STK32A: variants seen among roughly 807,000 people sequenced by gnomAD.
STK32A encodes serine/threonine kinase 32A.
In STK32A, 41 loss-of-function variants were observed where a neutral mutation model predicts 53.2. The ratio of observed to expected loss-of-function variants is 0.77; its 90% CI spans 0.60 to 1.00. The LOEUF (loss-of-function observed/expected upper bound fraction) is 1.00. Ranked by LOEUF, STK32A falls within the 50% of genes least tolerant of loss-of-function variation. STK32A has a pLI of 0.00. For synonymous variants in STK32A, 166 were observed against 162.8 expected, an observed-to-expected ratio of 1.02 and a Z score of -0.15; for missense variants, 458 against 485.8, an observed-to-expected ratio of 0.94 and a Z score of 0.54.
chr5:147,241,911 T>G (rs1753597069), intron 2 of STK32A, among the ~76,000 whole-genome samples: 2 of 152,192 alleles, frequency 1.3e-5, no homozygotes, highest in African/African-American at 4.8e-5. Context: ...GGTAGTAGAA[T>G]AGCATTATGA....
the STK32A span, among the ~76,000 whole-genome samples, chr5:147,394,686 A>C: frequency 6.2e-4 from 94 of 152,154 alleles, no homozygotes; most frequent in South Asian, 1.2e-3. Context: ...CAACAACAAA[A>C]AAAAAAAGGC....
At chr5:147,272,119 T>C (rs1375081929) in intron 2 of STK32A, among the ~76,000 whole-genome samples, 6 of 152,174 alleles carry the variant, frequency 3.9e-5, no homozygotes, top group African/African-American at 1.4e-4. Context: ...ATGCAGCTGA[T>C]GCTTGGGGAA....
intron 4 of STK32A, among the ~76,000 whole-genome samples, chr5:147,304,972 T>C (rs1187845019): frequency 1.3e-5 from 2 of 151,920 alleles, no homozygotes; most frequent in Non-Finnish European, 2.9e-5. Flanking sequence ...AATAATTAGC[T>C]GAGTAATCTC....
At chr5:147,317,639 T>C (rs910482290) in intron 4 of STK32A, among the ~76,000 whole-genome samples, 1 of 152,092 alleles carries the variant, frequency 6.6e-6, no homozygotes, top group Admixed American at 6.6e-5. Context: ...CTTGGTTTTT[T>C]TCAACAAAAA....
chr5:147,367,301 A>T (rs935685314), intron 8 of STK32A, among the ~76,000 whole-genome samples: 5 of 152,138 alleles, frequency 3.3e-5, no homozygotes, highest in African/African-American at 1.2e-4. Context: ...CCTGGGCTCA[A>T]GCAATCCACC....
At chr5:147,270,161 C>G (rs558559116) in intron 2 of STK32A, among the ~76,000 whole-genome samples, 15 of 152,158 alleles carry the variant, frequency 9.9e-5, no homozygotes, top group African/African-American at 3.4e-4. Flanking sequence ...CCCAGAAGGA[C>G]AAACAAGAAA....
At chr5:147,362,622 T>G (rs922926629) in intron 8 of STK32A, among the ~76,000 whole-genome samples, 1 of 152,224 alleles carries the variant, frequency 6.6e-6, no homozygotes, top group African/African-American at 2.4e-5. Flanking sequence ...CCTTCTCATA[T>G]GCAAAATACA....
intron 2 of STK32A, among the ~76,000 whole-genome samples, chr5:147,274,514 GC>G (rs1431670694): frequency 6.6e-6 from 1 of 152,160 alleles, no homozygotes; most frequent in African/African-American, 2.4e-5. Context: ...AGAAAACAAT[GC>G]AAGGACACCA....
downstream of STK32A, among the ~76,000 whole-genome samples, chr5:147,390,492 A>C (rs926804457): frequency 5.9e-4 from 89 of 151,850 alleles, 1 homozygote; most frequent in Non-Finnish European, 9.7e-4. Context: ...AAAAAAAAAA[A>C]AACCCAAAAC....
chr5:147,345,561 A>C (rs1338386663), intron 6 of STK32A, among the ~76,000 whole-genome samples: 1 of 152,200 alleles, frequency 6.6e-6, no homozygotes, highest in Non-Finnish European at 1.5e-5. Context: ...GATATACCAA[A>C]TATTCTGCTT....
chr5:147,236,879 A>G (rs924899147), intron 1 of STK32A, among the ~76,000 whole-genome samples: 2 of 152,188 alleles, frequency 1.3e-5, no homozygotes, highest in African/African-American at 4.8e-5. Context: ...GCTACTTGAG[A>G]AAAACCTGAG....
intron 4 of STK32A, among the ~76,000 whole-genome samples, chr5:147,315,598 T>C (rs1753954981): frequency 6.6e-6 from 1 of 152,190 alleles, no homozygotes; most frequent in Non-Finnish European, 1.5e-5. Context: ...TATTATTAAA[T>C]GGGTATAGAG....
At chr5:147,306,892 G>C (rs1041754468) in intron 4 of STK32A, among the ~76,000 whole-genome samples, 11 of 152,024 alleles carry the variant, frequency 7.2e-5, no homozygotes, top group Admixed American at 1.3e-4. Flanking sequence ...CTGACAATAG[G>C]CATATAGCCT....
chr5:147,361,553 A>G lies in STK32A; in HGVS notation c.599A>G (p.Tyr200Cys), dbSNP rs1756503231. ...TTCAGCTCCAGAAAAGGAGCAGGCT[A>G]TTCCTTTGCTGTTGACTGGTGGTCC... ...EMFSSRKGAG[Y>C]SFAVDWWSLG... is the part of the protein sequence containing the mutation. The change falls in exon 8 of 13, where the codon TAT becomes TGT. Residue 200 changes from tyrosine (Y) to cysteine (C), a missense_variant. Coordinates refer to ENST00000397936, the MANE Select transcript of STK32A (RefSeq NM_001112724.2). 6.2e-7 allele frequency: 1 copy of G among 1,613,376 alleles called. No individual in the cohort carries two copies. Among genetic ancestry groups the G allele is most frequent in the East Asian group, 2.2e-5 (1 of 44,888 alleles).
chr5:147,364,059 T>C (rs1359954154), intron 8 of STK32A, among the ~76,000 whole-genome samples: 1 of 151,664 alleles, frequency 6.6e-6, no homozygotes, highest in Non-Finnish European at 1.5e-5. Flanking sequence ...GTACTAAAAA[T>C]ACAAAATTAG....
At chr5:147,318,886 C>T (rs927127843) in intron 4 of STK32A, among the ~76,000 whole-genome samples, 18 of 152,050 alleles carry the variant, frequency 1.2e-4, no homozygotes, top group African/African-American at 4.3e-4. Flanking sequence ...TACAAGATAC[C>T]CATTTCTCCA....
Position 147,278,147 on chromosome 5 carries a change from T to C in STK32A, c.76T>C (p.Leu26=). 6.3e-7 allele frequency: 1 copy of C among 1,599,336 alleles called. No homozygotes were observed. Residue 26 remains leucine, a synonymous_variant, in exon 3 of 13, where the codon TTG becomes CTG. Coordinates refer to ENST00000397936, the MANE Select transcript of STK32A (RefSeq NM_001112724.2). ...AGTCAACTTTGACCACTTTGAAATT[T>C]TGCGAGCCATTGGGAAAGGCAGTTT... The part of the protein sequence containing the change: ...EDVNFDHFEI[L]RAIGKGSFGK...
chr5:147,237,018 T>C (rs868181596), intron 1 of STK32A, among the ~76,000 whole-genome samples: 10 of 152,046 alleles, frequency 6.6e-5, no homozygotes, highest in Admixed American at 2.0e-4. Context: ...ATCCTTAAAA[T>C]TAATGTTCTC....
chr5:147,316,859 GAA>G (rs35058586), intron 4 of STK32A, among the ~76,000 whole-genome samples: 1,744 of 61,358 alleles, frequency 0.028, 8 homozygotes, highest in Non-Finnish European at 0.036. Context: ...TGTTTCTGGC[GAA>G]AAAAAAAAAA....
Sources: allele counts gnomAD v4.1 joint callset (sites outside exome capture counted in the v4.1 genomes callset), GRCh38; gene constraint gnomAD v4.1.1; transcripts MANE v1.5; gene names NCBI Gene and HGNC (gene_info 2026-07-23, HGNC 2026-07-21).